SP140: variants seen among roughly 807,000 people sequenced by gnomAD.
SP140 encodes the protein nuclear body protein SP140.
A neutral mutation model predicts 125.0 loss-of-function variants in SP140; 81 were observed. The ratio of observed to expected loss-of-function variants is 0.65; its 90% CI spans 0.54 to 0.78. SP140 has a LOEUF of 0.78. SP140 is among the 30% of genes least tolerant of loss of function. The probability of loss-of-function intolerance (pLI) is 0.00; values close to 1 mark genes in which losing one functional copy is unlikely to be tolerated. For synonymous variants in SP140, 312 were observed against 354.0 expected (o/e 0.88, Z 1.33); for missense variants, 858 against 1,037.0 (o/e 0.83, Z 2.37).
In SP140 at chr2:230,213,958, G is replaced by C. The variant is rs1436607011; in HGVS notation, c.-206-1G>C. The C allele has an allele frequency of 6.6e-6, 1 of 151,546 alleles. No homozygotes were observed. The highest frequency in any genetic ancestry group is 1.5e-5 in the Non-Finnish European group (1 of 68,100). 9.4% of individuals were successfully genotyped at this position (151,546 alleles called of 1,614,324 possible). A position where few individuals can be genotyped will look rare whatever the true frequency, so the allele number is the denominator to read the frequency against. On this transcript the variant is annotated splice_acceptor_variant, in intron 2 of 4. Transcript: ENST00000456542. LOFTEE classifies it low-confidence loss of function (5UTR_SPLICE). Reference sequence around the variant, plus strand: ...GCTCAAGAAATCATCTCTCCCTTCAGGGGGAAGCCTTTTGATGGTGAAGTG... The same window carrying C: ...GCTCAAGAAATCATCTCTCCCTTCACGGGGAAGCCTTTTGATGGTGAAGTG...
rs2049367717 is a variant in SP140, at chr2:230,245,866, C to T, written c.668C>T (p.Ser223Phe). 6.2e-7 allele frequency: 1 copy of T among 1,600,066 alleles called. No individual in the cohort carries two copies. The change falls in exon 7 of 27, where the codon TCC becomes TTC. Residue 223 changes from serine to phenylalanine, a missense_variant. Physicochemically the swap from Ser to Phe is radical, Grantham distance 155 (BLOSUM62 -2). Coordinates refer to ENST00000392045, the MANE Select transcript of SP140 (RefSeq NM_007237.5). The part of the protein sequence containing the change: ...APSLLPGGGV[S>F]CKLAIQIDEG... ...ATGTTCCTCTTTCACTCTGCAGTGT[C>T]CTGTAAACTTGCTATACAAATAGAT...
chr2:230,269,554 C>G lies in SP140; in HGVS notation c.1263C>G (p.His421Gln). 6.2e-7 allele frequency: 1 copy of G among 1,607,220 alleles called. No individual in the cohort carries two copies. The highest frequency in any genetic ancestry group is 1.1e-5 in the South Asian group (1 of 90,714). Residue 421 changes from histidine to glutamine, a missense_variant, in exon 13 of 27, where the codon CAC becomes CAG. His to Gln is a conservative substitution (Grantham distance 24). Coordinates refer to ENST00000392045, the MANE Select transcript of SP140 (RefSeq NM_007237.5). The stretch of plus-strand genomic sequence containing the variant: ...TAGTGTCTAGTGAACTAGAAAATCA[C>G]CCAATGAATGAAGAAGGAGAATCAG... Reference protein sequence around the residue: ...RGSVSSELENHPMNEEGESEE... With the variant: ...RGSVSSELENQPMNEEGESEE...
chr2:230,269,614 AC>A lies in SP140; in HGVS notation c.1325del (p.Pro442GlnfsTer69). 1 of 1,530,762 alleles carries A rather than the reference AC, an allele frequency of 6.5e-7. No homozygotes were observed. Among genetic ancestry groups the A allele is most frequent in the Non-Finnish European group, 8.9e-7 (1 of 1,125,102 alleles). The allele number at this position is 1,530,762 out of a possible 1,614,324, so 94.8% of individuals were successfully genotyped here. On this transcript the variant is annotated frameshift_variant, in exon 13 of 27. Coordinates refer to ENST00000392045, the MANE Select transcript of SP140 (RefSeq NM_007237.5). LOFTEE classifies it high-confidence loss of function. ...CTTCTAGCCTGCTATATGATAATGT[AC>A]CAGGTAATTATGACTTAAAAATAGT... Reference protein sequence around the residue: ...LASSLLYDNVPGAEQSAYENE... With the variant: ...LASSLLYDNVXGAEQSAYENE...
At chr2:230,228,827 T>C (rs1436735144) in intron 1 of SP140, among the ~76,000 whole-genome samples, 3 of 152,216 alleles carry the variant, frequency 2.0e-5, no homozygotes, top group Non-Finnish European at 2.9e-5. Context: ...TCGGGTGTTT[T>C]GTGTTTTTTA....
chr2:230,284,907 T>C (rs1456775284), intron 16 of SP140, among the ~76,000 whole-genome samples: 2 of 152,176 alleles, frequency 1.3e-5, no homozygotes, highest in Non-Finnish European at 2.9e-5. Flanking sequence ...TTCATAAAAA[T>C]ATATGCAGTG....
intron 5 of SP140, among the ~76,000 whole-genome samples, chr2:230,244,313 C>T (rs1301997841): frequency 6.6e-6 from 1 of 152,136 alleles, no homozygotes; most frequent in Admixed American, 6.5e-5. Flanking sequence ...TATTTTATAG[C>T]TAAATAAAGT....
intron 11 of SP140, among the ~76,000 whole-genome samples, chr2:230,254,339 C>T (rs368607391): frequency 7.9e-5 from 12 of 152,172 alleles, no homozygotes; most frequent in African/African-American, 2.9e-4. Flanking sequence ...GATTAAGGTC[C>T]TTCTAGGTAG....
intron 1 of SP140, among the ~76,000 whole-genome samples, chr2:230,233,605 A>G (rs1039220517): frequency 1.3e-5 from 2 of 152,344 alleles, no homozygotes; most frequent in African/African-American, 4.8e-5. Flanking sequence ...ATTAGAAATT[A>G]AAACTTTGAA....
intron 22 of SP140, among the ~76,000 whole-genome samples, chr2:230,308,258 G>C (rs984458377): frequency 6.6e-6 from 1 of 151,820 alleles, no homozygotes; most frequent in African/African-American, 2.4e-5. Flanking sequence ...AGGAGGGTGA[G>C]GGATAAAAGA....
the SP140 span, among the ~76,000 whole-genome samples, chr2:230,190,507 G>A: frequency 6.6e-6 from 1 of 151,864 alleles, no homozygotes; most frequent in African/African-American, 2.4e-5. Context: ...TCTGTAGGTT[G>A]CCTGTTCACT....
intron 12 of SP140, among the ~76,000 whole-genome samples, chr2:230,259,530 A>G (rs1225344127): frequency 6.6e-6 from 1 of 150,950 alleles, no homozygotes; most frequent in East Asian, 1.9e-4. Context: ...AAAAAAAAAT[A>G]CAAAAATTAG....
the SP140 span, among the ~76,000 whole-genome samples, chr2:230,191,151 G>A: frequency 1.1e-4 from 16 of 152,136 alleles, no homozygotes; most frequent in Non-Finnish European, 1.8e-4. Context: ...GTGTTAAGAG[G>A]AAAACTTGTA....
chr2:230,187,372 T>C, the SP140 span, among the ~76,000 whole-genome samples: 1 of 152,234 alleles, frequency 6.6e-6, no homozygotes, highest in East Asian at 1.9e-4. Context: ...TTTGAGTTTC[T>C]TGTAGACGCT....
the SP140 span, among the ~76,000 whole-genome samples, chr2:230,188,654 A>T: frequency 6.6e-6 from 1 of 152,178 alleles, no homozygotes; most frequent in Admixed American, 6.5e-5. Context: ...ACTTTGAGGT[A>T]AGCCCCTTCT....
intron 1 of SP140, among the ~76,000 whole-genome samples, chr2:230,235,364 A>G (rs969542874): frequency 6.6e-6 from 1 of 152,152 alleles, no homozygotes; most frequent in Non-Finnish European, 1.5e-5. Context: ...AAAATTTCTC[A>G]TCTAATTCCT....
intron 4 of SP140, 59 bp downstream of exon 4, chr2:230,241,546 G>A: frequency 4.1e-6 from 4 of 986,812 alleles, no homozygotes; most frequent in Non-Finnish European, 6.5e-6. Flanking sequence ...TGCCTTCATG[G>A]AGGCAAATCT....
chr2:230,293,735 T>C (rs1242204116), intron 20 of SP140, among the ~76,000 whole-genome samples: 1 of 152,210 alleles, frequency 6.6e-6, no homozygotes, highest in Non-Finnish European at 1.5e-5. Context: ...TGAATGTTCA[T>C]TGATTGACCT....
upstream of SP140, chr2:230,225,629 C>T: frequency 1.6e-6 from 1 of 608,640 alleles, no homozygotes; most frequent in South Asian, 1.9e-5. Flanking sequence ...CCTCGTGGGG[C>T]TGGCTCTGCT....
rs769837823 is a variant in SP140, at chr2:230,212,927, C to T, written c.-322-727C>T. 17 of 1,613,862 alleles carry T rather than the reference C, an allele frequency of 1.1e-5. No homozygotes were observed. The East Asian group carries it at 3.8e-4, about 36-fold the overall frequency. On this transcript the variant is annotated intron_variant, in intron 1 of 4. Transcript: ENST00000456542. ...TTGGTTGAGGGGGTTGTGGTGGGGGCAGCGCCAGTGGGGTATGGAGGGAGC... is the reference window on the plus strand; with the variant it reads ...TTGGTTGAGGGGGTTGTGGTGGGGGTAGCGCCAGTGGGGTATGGAGGGAGC...
Sources: gnomAD v4.1 joint callset for allele counts (sites outside exome capture counted in the v4.1 genomes callset) on GRCh38, gnomAD v4.1.1 for gene constraint, MANE v1.5 for transcripts, NCBI Gene and HGNC (gene_info 2026-07-23, HGNC 2026-07-21) for gene names.